The following ITFG2 variants were observed in gnomAD, a reference collection of about 807,000 sequenced individuals.
ITFG2 encodes integrin alpha FG-GAP repeat containing 2.
In ITFG2, 36 loss-of-function variants were observed where a neutral mutation model predicts 54.4. The ratio of observed to expected loss-of-function variants is 0.66; its 90% CI spans 0.51 to 0.87. The LOEUF (loss-of-function observed/expected upper bound fraction) is 0.87, where lower values mean the gene tolerates loss of function less well. Ranked by LOEUF, ITFG2 falls within the 40% of genes least tolerant of loss-of-function variation. The pLI is 0.00. For missense variants in ITFG2, 524 were observed against 576.7 expected (o/e 0.91, Z 0.94); for synonymous variants, 211 against 225.4 (o/e 0.94, Z 0.57).
intron 2 of ITFG2, among the ~76,000 whole-genome samples, chr12:2,855,723 CTT>C (rs1266041485): frequency 6.6e-6 from 1 of 152,188 alleles, no homozygotes; most frequent in Non-Finnish European, 1.5e-5. Context: ...AGCTTTCACT[CTT>C]TACCTTCACC....
At chr12:2,819,414 G>A (rs2097934469) in intron 4 of ITFG2, among the ~76,000 whole-genome samples, 2 of 151,768 alleles carry the variant, frequency 1.3e-5, no homozygotes, top group South Asian at 4.2e-4. Flanking sequence ...CTTGCAGTAA[G>A]CCGAAATCGC....
chr12:2,856,947 C>T lies in ITFG2; in HGVS notation n.301-1065C>T, dbSNP rs545139985. ...AAAGGTAGGCGGCAGAGATGGGCCA[C>T]CCCCTACCTGCAGGAAAGGTTCTTC... On this transcript the variant is annotated intron_variant and non_coding_transcript_variant, in intron 2 of 3. Transcript: ENST00000537710. The T allele has an allele frequency of 7.8e-4, 547 of 703,034 alleles. 13 individuals are homozygous for T. The highest frequency in any genetic ancestry group is 7.7e-3 in the South Asian group (523 of 67,606). The allele number at this position is 703,034 out of a possible 1,614,324, so 43.5% of individuals were successfully genotyped here. A position where few individuals can be genotyped will look rare whatever the true frequency, so the allele number is the denominator to read the frequency against.
upstream of ITFG2, among the ~76,000 whole-genome samples, chr12:2,836,533 T>G (rs1356134961): frequency 6.6e-6 from 1 of 152,152 alleles, no homozygotes; most frequent in African/African-American, 2.4e-5. Flanking sequence ...ACCACTGCAA[T>G]TATATGAAGA....
downstream of ITFG2, among the ~76,000 whole-genome samples, chr12:2,829,682 G>A (rs559780015): frequency 3.9e-5 from 6 of 152,146 alleles, no homozygotes; most frequent in South Asian, 8.3e-4. Flanking sequence ...TGGGAGGATC[G>A]CTTGAGTCCA....
At chr12:2,819,884 G>A (rs377638186) in intron 4 of ITFG2, 16 of 499,530 alleles carry the variant, frequency 3.2e-5, no homozygotes, top group African/African-American at 1.4e-4. Context: ...GGCAGAGAGC[G>A]GATAGGAGCT....
At chr12:2,827,809 A>G, downstream of ITFG2, 1 of 1,603,314 alleles carries the variant, frequency 6.2e-7, no homozygotes, top group Non-Finnish European at 8.5e-7. This position sits in a 1 kb window ranked among gnomAD's most constrained non-coding sequence, Gnocchi z 4.0. Flanking sequence ...GATGGGGGAT[A>G]GTCAGAACAT....
intron 1 of ITFG2, among the ~76,000 whole-genome samples, chr12:2,838,700 A>G (rs576621280): frequency 6.6e-4 from 101 of 152,304 alleles, no homozygotes; most frequent in African/African-American, 2.3e-3. Context: ...TCTCACTGCC[A>G]TCTTGGGGCA....
At chr12:2,837,596 C>T (rs1187771903) in intron 1 of ITFG2, among the ~76,000 whole-genome samples, 3 of 152,040 alleles carry the variant, frequency 2.0e-5, no homozygotes, top group African/African-American at 7.2e-5. Context: ...AAGATTGTGC[C>T]ATTGCACTCC....
chr12:2,830,958 C>A, downstream of ITFG2: 6 of 1,261,786 alleles, frequency 4.8e-6, no homozygotes, highest in South Asian at 1.5e-5. Flanking sequence ...GCTCCCCCCA[C>A]CCCCCCAGCC....
At chr12:2,817,395 A>G (rs1479058120) in intron 2 of ITFG2, 77 bp downstream of exon 2, 6 of 952,128 alleles carry the variant, frequency 6.3e-6, no homozygotes, top group South Asian at 1.4e-5. Flanking sequence ...TGAGCCCCAC[A>G]CAGGTGCTCA....
intron 1 of ITFG2, among the ~76,000 whole-genome samples, chr12:2,837,808 G>A (rs557752471): frequency 6.6e-6 from 1 of 152,294 alleles, no homozygotes; most frequent in East Asian, 1.9e-4. Context: ...CAACCTGGGT[G>A]ACAGAGCGAG....
At chr12:2,820,289 T>G in intron 5 of ITFG2, 64 bp downstream of exon 5, 2 of 1,488,834 alleles carry the variant, frequency 1.3e-6, no homozygotes, top group East Asian at 5.0e-5. Flanking sequence ...CTGGAGGAGG[T>G]AGTGGGAGAG....
chr12:2,843,212 G>A (rs1464820984), intron 2 of ITFG2, among the ~76,000 whole-genome samples: 1 of 152,124 alleles, frequency 6.6e-6, no homozygotes, highest in Non-Finnish European at 1.5e-5. Flanking sequence ...TCTATTTCAG[G>A]CTTTCTCCTC....
rs934693717 is a variant in ITFG2, at chr12:2,856,889, A to G, written n.301-1123A>G. 3.6e-5 allele frequency: 25 copies of G among 702,070 alleles called. 1 individual carries two copies. The East Asian group carries it at 4.0e-4, about 11-fold the overall frequency. The allele number at this position is 702,070 out of a possible 1,614,324, so 43.5% of individuals were successfully genotyped here. ...TGCCCAGAAGAAAGCCTGGCCCACT[A>G]TAAGGGACAGCCTGTAGCCCAGTGG... On this transcript the variant is annotated intron_variant and non_coding_transcript_variant, in intron 2 of 3. Coordinates refer to the ITFG2 transcript ENST00000537710.
chr12:2,847,547 G>A (rs923764371), intron 2 of ITFG2, among the ~76,000 whole-genome samples: 1 of 151,854 alleles, frequency 6.6e-6, no homozygotes, highest in Non-Finnish European at 1.5e-5. Flanking sequence ...CACGCCTGTA[G>A]TCCCAGCTAC....
downstream of ITFG2, among the ~76,000 whole-genome samples, chr12:2,829,896 G>GGT (rs1215431639): frequency 3.9e-5 from 6 of 152,170 alleles, no homozygotes; most frequent in East Asian, 9.7e-4. Flanking sequence ...TGACCAACCT[G>GGT]GAGAAACCCC....
At chr12:2,818,392 T>C (rs777373140) in intron 4 of ITFG2, 115 bp downstream of exon 4, 199 of 1,531,020 alleles carry the variant, frequency 1.3e-4, no homozygotes, top group Non-Finnish European at 6.0e-5. Context: ...GCATTTGTTA[T>C]GTGCTGAGCT....
downstream of ITFG2, among the ~76,000 whole-genome samples, chr12:2,829,444 T>C (rs760523451): frequency 1.3e-5 from 2 of 152,186 alleles, no homozygotes; most frequent in Non-Finnish European, 2.9e-5. Flanking sequence ...AATATAACTC[T>C]ACTATATGGC....
intron 2 of ITFG2, chr12:2,857,099 G>A (rs766387180): frequency 5.4e-5 from 38 of 702,420 alleles, no homozygotes; most frequent in Non-Finnish European, 7.5e-5. Context: ...TTACTCCTGG[G>A]GTTGCTATGG....
Sources: allele counts gnomAD v4.1 joint callset (sites outside exome capture counted in the v4.1 genomes callset), GRCh38; gene constraint gnomAD v4.1.1; non-coding constraint Gnocchi (gnomAD v3.1); transcripts MANE v1.5; gene names NCBI Gene and HGNC (gene_info 2026-07-23, HGNC 2026-07-21).